The following ZBTB7C variants were observed in gnomAD, a reference collection of about 807,000 sequenced individuals.
ZBTB7C encodes the protein zinc finger and BTB domain-containing protein 7C.
In ZBTB7C, 8 loss-of-function variants were observed where a neutral mutation model predicts 25.7. The observed-to-expected ratio is 0.31, with a 90% confidence interval of 0.18 to 0.56. ZBTB7C has a LOEUF of 0.56. Among genes scored for constraint, ZBTB7C ranks in the 20% least tolerant of loss-of-function variants. The probability of loss-of-function intolerance (pLI) is 0.91; values close to 1 mark genes in which losing one functional copy is unlikely to be tolerated. For missense variants in ZBTB7C, 824 were observed against 855.2 expected (o/e 0.96, Z 0.46); for synonymous variants, 394 against 369.0 (o/e 1.07, Z -0.78).
At chr18:48,400,190 G>A (rs2048125304) in intron 1 of ZBTB7C, among the ~76,000 whole-genome samples, 1 of 152,296 alleles carries the variant, frequency 6.6e-6, no homozygotes, top group Non-Finnish European at 1.5e-5. Flanking sequence ...GAGACCTACT[G>A]TATAAATGGT....
intron 3 of ZBTB7C, among the ~76,000 whole-genome samples, chr18:48,074,994 G>A (rs939096552): frequency 1.3e-5 from 2 of 152,084 alleles, no homozygotes; most frequent in Admixed American, 6.5e-5. Context: ...CTAGTTAATT[G>A]AACTCACATC....
intron 1 of ZBTB7C, among the ~76,000 whole-genome samples, chr18:48,391,006 T>C (rs2047888883): frequency 6.6e-6 from 1 of 152,242 alleles, no homozygotes; most frequent in African/African-American, 2.4e-5. Context: ...GCAGCAGACC[T>C]GGACTCCAAC....
At chr18:48,399,668 T>G (rs116849758) in intron 1 of ZBTB7C, among the ~76,000 whole-genome samples, 3,257 of 152,218 alleles carry the variant, frequency 0.021, 103 homozygotes, top group South Asian at 0.14. Flanking sequence ...TGTCTGGGAG[T>G]TGGGGTCGTC....
intron 2 of ZBTB7C, among the ~76,000 whole-genome samples, chr18:48,294,202 G>T (rs929768365): frequency 6.6e-6 from 1 of 152,238 alleles, no homozygotes. Flanking sequence ...GCACATGCCA[G>T]CCTGGAATTT....
At position 48,073,009 on chromosome 18, in the gene ZBTB7C, G is replaced by A. The variant is rs187436310; in HGVS notation, c.-16-31886C>T. ...GTTTATAAGAGGAAAAGGAATGAAC[G>A]GGATCCTATTTAACAGCACATGCTG... On this transcript the variant is annotated intron_variant, in intron 3 of 4. Transcript: ENST00000590800. Among the ~76,000 whole-genome samples the A allele has an allele frequency of 1.2e-3, 181 of 152,304 alleles. 1 individual carries two copies. The highest frequency in any genetic ancestry group is 4.2e-3 in the African/African-American group (175 of 41,554).
At chr18:48,199,447 T>C (rs1194231805) in intron 2 of ZBTB7C, among the ~76,000 whole-genome samples, 17 of 152,244 alleles carry the variant, frequency 1.1e-4, no homozygotes, top group Admixed American at 1.1e-3. Flanking sequence ...CTATTATATG[T>C]TTAATTCCTT....
At chr18:48,263,389 C>T (rs138792448) in intron 2 of ZBTB7C, among the ~76,000 whole-genome samples, 1 of 152,348 alleles carries the variant, frequency 6.6e-6, no homozygotes, top group East Asian at 1.9e-4. Flanking sequence ...CTGAGGGCAG[C>T]ATCACACTGT....
chr18:48,116,212 G>A (rs908182921), intron 3 of ZBTB7C, among the ~76,000 whole-genome samples: 23 of 152,164 alleles, frequency 1.5e-4, no homozygotes, highest in Admixed American at 1.5e-3. Context: ...TGCTGAAGGC[G>A]AGGCTCGAGC....
intron 2 of ZBTB7C, among the ~76,000 whole-genome samples, chr18:48,246,301 G>A (rs1262039383): frequency 1.3e-5 from 2 of 151,942 alleles, no homozygotes; most frequent in Admixed American, 1.3e-4. Flanking sequence ...GTGGTGGCGG[G>A]TGCCTGTAGT....
At chr18:48,361,146 C>T (rs895014727) in intron 1 of ZBTB7C, among the ~76,000 whole-genome samples, 1 of 152,164 alleles carries the variant, frequency 6.6e-6, no homozygotes, top group African/African-American at 2.4e-5. Context: ...AACATCTCAT[C>T]TCCCTGCGTC....
At chr18:48,366,144 C>T (rs1195299487) in intron 1 of ZBTB7C, among the ~76,000 whole-genome samples, 1 of 152,166 alleles carries the variant, frequency 6.6e-6, no homozygotes, top group Non-Finnish European at 1.5e-5. Context: ...CACCAGCTGC[C>T]ATCTGCAATT....
At chr18:48,150,012 C>G (rs1210468804) in intron 3 of ZBTB7C, 1 of 151,950 alleles carries the variant, frequency 6.6e-6, no homozygotes, top group Non-Finnish European at 1.5e-5. Context: ...CCATGTTGGT[C>G]AGGCTGGTTT....
chr18:48,039,547 G>A (rs902427467), intron 4 of ZBTB7C, among the ~76,000 whole-genome samples: 2 of 152,136 alleles, frequency 1.3e-5, no homozygotes, highest in Non-Finnish European at 2.9e-5. Context: ...ATCTGGGGAG[G>A]GCCATCCATT....
chr18:48,224,650 C>A (rs887306465), intron 2 of ZBTB7C, among the ~76,000 whole-genome samples: 1 of 152,188 alleles, frequency 6.6e-6, no homozygotes, highest in Non-Finnish European at 1.5e-5. Flanking sequence ...GACAGATGTA[C>A]GTTCAAACAC....
At chr18:48,162,033 C>G (rs1436829753) in intron 3 of ZBTB7C, among the ~76,000 whole-genome samples, 1 of 152,164 alleles carries the variant, frequency 6.6e-6, no homozygotes, top group African/African-American at 2.4e-5. Context: ...GGGCGGGACC[C>G]GCACTGACCC....
intron 2 of ZBTB7C, among the ~76,000 whole-genome samples, chr18:48,281,974 G>T (rs567008118): frequency 1.2e-4 from 18 of 145,388 alleles, no homozygotes; most frequent in Non-Finnish European, 2.4e-4. Flanking sequence ...TATACCCAAA[G>T]GACTATAAAT....
At chr18:48,164,319 CA>C (rs1368066762) in intron 3 of ZBTB7C, among the ~76,000 whole-genome samples, 1 of 152,198 alleles carries the variant, frequency 6.6e-6, no homozygotes, top group Non-Finnish European at 1.5e-5. Flanking sequence ...AACACAACCA[CA>C]AAATGTGGTG....
At position 48,279,992 on chromosome 18, in the gene ZBTB7C, C is replaced by A. The variant is rs2044784551; in HGVS notation, c.-79+58182G>T. On this transcript the variant is annotated intron_variant, in intron 2 of 4. Transcript: ENST00000590800. The stretch of plus-strand genomic sequence containing the variant: ...ATGCAAAAGAATATTCATCATTCCA[C>A]AAATTTTTATTGAGCATCTACTATG... Among the ~76,000 whole-genome samples the A allele has an allele frequency of 2.0e-5, 3 of 152,332 alleles. No individual in the cohort carries two copies. In the South Asian group the frequency reaches 6.2e-4, roughly 32 times the overall value.
chr18:48,212,216 T>A (rs558227920), intron 2 of ZBTB7C, among the ~76,000 whole-genome samples: 2 of 152,168 alleles, frequency 1.3e-5, no homozygotes, highest in African/African-American at 4.8e-5. Flanking sequence ...ATATATATAT[T>A]TTTAAAAAGT....
Sources: gnomAD v4.1 joint callset for allele counts (sites outside exome capture counted in the v4.1 genomes callset) on GRCh38, gnomAD v4.1.1 for gene constraint, MANE v1.5 for transcripts, NCBI Gene and HGNC (gene_info 2026-07-23, HGNC 2026-07-21) for gene names.